SCN10A: variants seen among roughly 807,000 people sequenced by gnomAD.
SCN10A encodes the protein sodium voltage-gated channel alpha subunit 10.
SCN10A carries 162 observed loss-of-function variants against 170.7 expected under a neutral mutation model. The observed-to-expected ratio is 0.95, with a 90% CI of 0.84 to 1.08. SCN10A has a LOEUF of 1.08. Among genes scored for constraint, SCN10A ranks in the 50% least tolerant of loss-of-function variants. The pLI is 0.00. For missense variants in SCN10A, 2,527 were observed against 2,436.9 expected (o/e 1.04, Z -0.78); for synonymous variants, 985 against 904.6 (o/e 1.09, Z -1.59).
At chr3:38,736,938 T>C (rs781522333) in intron 15 of SCN10A, among the ~76,000 whole-genome samples, 32 of 147,224 alleles carry the variant, frequency 2.2e-4, no homozygotes, top group Non-Finnish European at 4.0e-4. Flanking sequence ...AAGCTTCTGC[T>C]TCCCCAAGTG....
In SCN10A at chr3:38,709,489, G is replaced by A. The variant is rs1027297455; in HGVS notation, c.4270C>T (p.Gln1424Ter). The change falls in exon 25 of 28, where the codon CAG becomes TAG. Residue 1424 changes from glutamine (Q) to a stop codon, truncating the protein, a stop_gained. Transcript: ENST00000449082. LOFTEE classifies it high-confidence loss of function. ...TGAGCACCACTTATCTTTTTTTTCTGTTGATTGAAGTTGTCAATTATGACC... is the reference window on the plus strand; with the variant it reads ...TGAGCACCACTTATCTTTTTTTTCTATTGATTGAAGTTGTCAATTATGACC... ...VGVIIDNFNQQKKKLGGQDIF... is the reference protein window; with the variant it reads ...VGVIIDNFNQ 6.2e-7 allele frequency: 1 copy of A among 1,603,146 alleles called. No individual in the cohort carries two copies. Among genetic ancestry groups the A allele is most frequent in the Non-Finnish European group, 8.5e-7 (1 of 1,176,778 alleles).
At chr3:38,814,334 T>A (rs2064458359) in intron 1 of SCN10A, among the ~76,000 whole-genome samples, 2 of 152,124 alleles carry the variant, frequency 1.3e-5, no homozygotes, top group African/African-American at 4.8e-5. Context: ...TATCACTTTG[T>A]ATCTGGGGAC....
chr3:38,814,314 A>T (rs2064458243), intron 1 of SCN10A, among the ~76,000 whole-genome samples: 1 of 152,148 alleles, frequency 6.6e-6, no homozygotes, highest in Non-Finnish European at 1.5e-5. Flanking sequence ...TGGGGACACT[A>T]AGCTCACAGT....
chr3:38,710,893 G>T lies in SCN10A; in HGVS notation c.4094C>A (p.Thr1365Asn), dbSNP rs748854017. The change falls in exon 24 of 28, where the codon ACC becomes AAC. Residue 1365 changes from threonine (T) to asparagine (N), a missense_variant. By Grantham distance (65) the Thr-to-Asn change is moderately conservative. Transcript: ENST00000449082. ...CATAATGTCCATCCAGCCTTTAAAG[G>T]TTGCCTGGAGACAAGGAGCAGAGGC... Reference protein sequence around the residue: ...MGYLALLQVATFKGWMDIMYA... With the variant: ...MGYLALLQVANFKGWMDIMYA... The T allele has an allele frequency of 6.8e-6, 11 of 1,613,648 alleles. No individual in the cohort carries two copies. Among genetic ancestry groups the T allele is most frequent in the Admixed American group, 3.3e-5 (2 of 59,970 alleles).
Position 38,701,085 on chromosome 3 carries a change from C to T in SCN10A, c.4657+754G>A, listed in dbSNP as rs1177815769. 2.6e-5 allele frequency among the ~76,000 whole-genome samples: 4 copies of T among 152,316 alleles called. No individual in the cohort carries two copies. The East Asian group carries it at 7.7e-4, about 29-fold the overall frequency. On this transcript the variant is annotated intron_variant, in intron 27 of 27. Transcript: ENST00000449082. ...AATGTATAAAATAAGGATAATAACA[C>T]CTGCTTGACAGGGCTGCTGTGAACA...
intron 5 of SCN10A, among the ~76,000 whole-genome samples, chr3:38,769,516 C>T (rs771319793): frequency 1.3e-5 from 2 of 152,196 alleles, no homozygotes; most frequent in Non-Finnish European, 2.9e-5. Flanking sequence ...GCTGAGATTA[C>T]AGGCGTGAGC....
chr3:38,799,643 A>G (rs552098645), intron 1 of SCN10A, among the ~76,000 whole-genome samples: 4 of 152,206 alleles, frequency 2.6e-5, no homozygotes, highest in Admixed American at 6.5e-5. Flanking sequence ...ACAGTTTGGC[A>G]GCATAATTGC....
chr3:38,766,454 G>C (rs112167921), intron 5 of SCN10A, among the ~76,000 whole-genome samples: 1 of 151,962 alleles, frequency 6.6e-6, no homozygotes, highest in Non-Finnish European at 1.5e-5. Flanking sequence ...TGGGATGCTG[G>C]ATTTTGTCAA....
At chr3:38,803,627 A>G (rs764971467) in intron 1 of SCN10A, among the ~76,000 whole-genome samples, 1 of 131,270 alleles carries the variant, frequency 7.6e-6, no homozygotes, top group Non-Finnish European at 1.6e-5. Flanking sequence ...AGGAAGGGGA[A>G]CATCACACAC....
rs147622431 is a variant in SCN10A, at chr3:38,766,787, A to G, written c.600-3191T>C. 2.3e-3 allele frequency among the ~76,000 whole-genome samples: 348 copies of G among 152,268 alleles called. 1 individual carries two copies. The highest frequency in any genetic ancestry group is 8.1e-3 in the African/African-American group (337 of 41,562). ...TCCCTCTTTCTGCATCTTTTGGAAT[A>G]GTTTCAATAAAATTGGTACCAATTC... On this transcript the variant is annotated intron_variant, in intron 5 of 27. Transcript: ENST00000449082.
At chr3:38,726,538 C>T (rs770997764) in intron 17 of SCN10A, 68 bp downstream of exon 17, 1 of 1,293,370 alleles carries the variant, frequency 7.7e-7, no homozygotes, top group Non-Finnish European at 1.1e-6. Flanking sequence ...TTCCCTTTTG[C>T]CCTTTGTCAC....
At chr3:38,761,434 G>GAGC (rs1158058148) in intron 6 of SCN10A, 51 bp from the exon 7 acceptor site, 3 of 1,494,348 alleles carry the variant, frequency 2.0e-6, no homozygotes, top group Non-Finnish European at 2.8e-6. Flanking sequence ...AGCACACACG[G>GAGC]AGCACACTTC....
chr3:38,700,460 A>G (rs1434148002), intron 27 of SCN10A, among the ~76,000 whole-genome samples: 1 of 152,232 alleles, frequency 6.6e-6, no homozygotes, highest in Non-Finnish European at 1.5e-5. Flanking sequence ...CAATAAATAA[A>G]TAAATAGGCA....
At chr3:38,735,944 C>T (rs1295468711) in intron 15 of SCN10A, among the ~76,000 whole-genome samples, 1 of 152,162 alleles carries the variant, frequency 6.6e-6, no homozygotes, top group African/African-American at 2.4e-5. Flanking sequence ...CTGGTTTTTG[C>T]CTCATGGGAT....
At chr3:38,806,717 C>T (rs1353015806) in intron 1 of SCN10A, among the ~76,000 whole-genome samples, 1 of 152,106 alleles carries the variant, frequency 6.6e-6, no homozygotes, top group Non-Finnish European at 1.5e-5. Flanking sequence ...ATTTCCATTA[C>T]ATATGTGATT....
At chr3:38,800,311 C>T (rs2064363725) in intron 1 of SCN10A, among the ~76,000 whole-genome samples, 2 of 152,154 alleles carry the variant, frequency 1.3e-5, no homozygotes, top group Non-Finnish European at 2.9e-5. Context: ...GAGAATTGGA[C>T]TAAGATGCAG....
intron 5 of SCN10A, among the ~76,000 whole-genome samples, chr3:38,770,880 C>A (rs2063991095): frequency 6.6e-6 from 1 of 152,170 alleles, no homozygotes; most frequent in Admixed American, 6.5e-5. Context: ...GGAGTGCCTA[C>A]AAGGCACTTC....
rs1171850152 is a variant in SCN10A, at chr3:38,750,167, T to C, written c.1773A>G (p.Gln591=). 5 of 1,611,476 alleles carry C rather than the reference T, an allele frequency of 3.1e-6. No individual in the cohort carries two copies. Among genetic ancestry groups the C allele is most frequent in the Non-Finnish European group, 8.5e-7 (1 of 1,178,022 alleles). The stretch of plus-strand genomic sequence containing the variant: ...ATTCTGCTGACAAGAAAGTCTTCTT[T>C]TGTCCTGCATCGAATGCCTGTTGAG... ...AVDVSAFDAG[Q]KKTFLSAEYL... The change falls in exon 13 of 28, where the codon CAA becomes CAG. Residue 591 remains glutamine (Q), a synonymous_variant. Transcript: ENST00000449082.
intron 1 of SCN10A, among the ~76,000 whole-genome samples, chr3:38,805,065 G>A (rs1288746157): frequency 6.6e-6 from 1 of 152,070 alleles, no homozygotes; most frequent in Non-Finnish European, 1.5e-5. Context: ...GAGGGTGTTT[G>A]GGATATTGTT....
Sources: gnomAD v4.1 joint callset for allele counts (sites outside exome capture counted in the v4.1 genomes callset) on GRCh38, gnomAD v4.1.1 for gene constraint, MANE v1.5 for transcripts, NCBI Gene and HGNC (gene_info 2026-07-23, HGNC 2026-07-21) for gene names.